The following TRIO variants were observed in gnomAD, a reference collection of about 807,000 sequenced individuals.
The protein encoded by TRIO is trio Rho guanine nucleotide exchange factor, also known as triple functional domain protein.
A neutral mutation model predicts 351.9 loss-of-function variants in TRIO; 58 were observed. The observed-to-expected ratio is 0.16, with a 90% CI of 0.13 to 0.21. The LOEUF (loss-of-function observed/expected upper bound fraction) is 0.21, where lower values mean the gene tolerates loss of function less well. TRIO is among the 10% of genes least tolerant of loss of function. TRIO has a pLI of 1.00. For missense variants in TRIO, 3,201 were observed against 4,027.8 expected, an observed-to-expected ratio of 0.79 and a Z score of 5.56; for synonymous variants, 1,758 against 1,595.7, an observed-to-expected ratio of 1.10 and a Z score of -2.42.
intron 13 of TRIO, among the ~76,000 whole-genome samples, chr5:14,360,937 A>G (rs1236740808): frequency 1.3e-5 from 2 of 152,228 alleles, no homozygotes; most frequent in Non-Finnish European, 2.9e-5. Context: ...TTAGATCCAC[A>G]TGGAGCCATG....
intron 11 of TRIO, among the ~76,000 whole-genome samples, chr5:14,341,387 C>G (rs1374298201): frequency 6.6e-6 from 1 of 152,186 alleles, no homozygotes; most frequent in Non-Finnish European, 1.5e-5. Context: ...TTTTGTGTGT[C>G]TCCTACATTT....
chr5:14,433,092 C>A (rs976364447), intron 34 of TRIO, among the ~76,000 whole-genome samples: 3 of 152,068 alleles, frequency 2.0e-5, no homozygotes, highest in Non-Finnish European at 2.9e-5. Context: ...ATCCACAATG[C>A]TGGTGCAAAC....
intron 1 of TRIO, among the ~76,000 whole-genome samples, chr5:14,211,276 A>G (rs1791875680): frequency 2.0e-5 from 3 of 152,216 alleles, no homozygotes; most frequent in Admixed American, 2.0e-4. Flanking sequence ...GATTTGATGT[A>G]AAAAGCTTAG....
In TRIO at chr5:14,147,720, G is replaced by A. The variant is rs553018497; in HGVS notation, c.157+3838G>A. Among the ~76,000 whole-genome samples the A allele has an allele frequency of 5.3e-5, 8 of 152,282 alleles. No individual in the cohort carries two copies. The East Asian group carries it at 1.5e-3, about 29-fold the overall frequency. Reference sequence around the variant, plus strand: ...TATATTTTGATATGACGGTTTCCTTGTGGAGTATTGAGAGAAGCTTTTCTT... The same window carrying A: ...TATATTTTGATATGACGGTTTCCTTATGGAGTATTGAGAGAAGCTTTTCTT... On this transcript the variant is annotated intron_variant, in intron 1 of 56. Transcript: ENST00000344204.
intron 1 of TRIO, among the ~76,000 whole-genome samples, chr5:14,193,774 A>T (rs542510261): frequency 6.6e-6 from 1 of 152,308 alleles, no homozygotes; most frequent in African/African-American, 2.4e-5. Flanking sequence ...TGACTAATTT[A>T]CGCGAAACTG....
intron 30 of TRIO, among the ~76,000 whole-genome samples, chr5:14,399,614 C>T (rs930823586): frequency 4.6e-5 from 7 of 152,212 alleles, no homozygotes; most frequent in South Asian, 4.1e-4. Flanking sequence ...TATGTGGAGA[C>T]AGCTGCCCCT....
chr5:14,364,063 G>A, intron 14 of TRIO, 136 bp downstream of exon 14: 1 of 821,112 alleles, frequency 1.2e-6, no homozygotes, highest in South Asian at 2.2e-5. Flanking sequence ...TTCTTTAAAA[G>A]AACGTTTGCA....
chr5:14,337,685 T>C (rs1741550521), intron 11 of TRIO, among the ~76,000 whole-genome samples: 1 of 152,200 alleles, frequency 6.6e-6, no homozygotes, highest in Admixed American at 6.5e-5. Context: ...CACCAATTCC[T>C]TTAAAGGAAA....
intron 34 of TRIO, chr5:14,441,144 T>C (rs1463741403): frequency 6.5e-6 from 1 of 152,888 alleles, no homozygotes; most frequent in African/African-American, 2.4e-5. Context: ...AGTGTCTGTT[T>C]AGCTGGTCGC....
intron 49 of TRIO, among the ~76,000 whole-genome samples, chr5:14,494,939 C>T (rs1208235470): frequency 6.6e-6 from 1 of 152,192 alleles, no homozygotes; most frequent in Non-Finnish European, 1.5e-5. Context: ...TTTGTAATGC[C>T]ATAGCTACCA....
chr5:14,233,316 T>TAAA (rs35925373), intron 1 of TRIO, among the ~76,000 whole-genome samples: 1,978 of 109,168 alleles, frequency 0.018, 29 homozygotes, highest in African/African-American at 0.047. Context: ...CCTCGTCTCT[T>TAAA]AAAAAAAAAA....
chr5:14,465,505 C>G, intron 36 of TRIO, 40 bp from the exon 37 acceptor site: 1 of 1,597,202 alleles, frequency 6.3e-7, no homozygotes, highest in Non-Finnish European at 8.6e-7. Context: ...CTAATGTGAG[C>G]CCTTGCCCCA....
intron 34 of TRIO, chr5:14,420,264 T>G (rs1750009855): frequency 1.9e-6 from 1 of 538,630 alleles, no homozygotes; most frequent in Non-Finnish European, 3.3e-6. Flanking sequence ...TAGTGAGATA[T>G]GACATCAGTT....
intron 18 of TRIO, among the ~76,000 whole-genome samples, chr5:14,373,819 C>T (rs982618935): frequency 6.6e-6 from 1 of 152,232 alleles, no homozygotes; most frequent in Non-Finnish European, 1.5e-5. Context: ...AAAGTGTTTA[C>T]TGTCTACCCT....
chr5:14,295,818 C>G (rs1737314069), intron 6 of TRIO, among the ~76,000 whole-genome samples: 1 of 152,190 alleles, frequency 6.6e-6, no homozygotes, highest in Non-Finnish European at 1.5e-5. Flanking sequence ...GTTGCAGCCT[C>G]TTTCTGCGAC....
At chr5:14,211,725 TG>T (rs1163133802) in intron 1 of TRIO, among the ~76,000 whole-genome samples, 4 of 151,590 alleles carry the variant, frequency 2.6e-5, no homozygotes, top group African/African-American at 9.7e-5. Flanking sequence ...AAACAGAATG[TG>T]GCAATCTTTT....
At chr5:14,325,304 A>T (rs959751747) in intron 9 of TRIO, among the ~76,000 whole-genome samples, 1 of 152,206 alleles carries the variant, frequency 6.6e-6, no homozygotes, top group African/African-American at 2.4e-5. Flanking sequence ...AAACAGGTTT[A>T]TTTGGCTCAC....
rs1421078970 is a variant in TRIO at position 14,286,080 on chromosome 5, G to A, written c.348-791G>A. Among the ~76,000 whole-genome samples the A allele has an allele frequency of 1.3e-5, 2 of 152,156 alleles. No individual in the cohort carries two copies. Among genetic ancestry groups the A allele is most frequent in the African/African-American group, 4.8e-5 (2 of 41,408 alleles). On this transcript the variant is annotated intron_variant, in intron 3 of 56. Transcript: ENST00000344204. The surrounding 1 kb of genome is among the most constrained non-coding windows in gnomAD (Gnocchi z 4.4). ...CAGTGGTTGAGATTTAATACAATTA[G>A]AAGCTGGCACTTTTTTTTTTTAAGT...
intron 29 of TRIO, 27 bp from the exon 30 acceptor site, chr5:14,398,853 A>T: frequency 1.3e-6 from 2 of 1,568,950 alleles, no homozygotes; most frequent in Non-Finnish European, 1.7e-6. Flanking sequence ...TTTTAAATTG[A>T]TTTGCCTCCC....
Sources: gnomAD v4.1 joint callset for allele counts (sites outside exome capture counted in the v4.1 genomes callset) on GRCh38, gnomAD v4.1.1 for gene constraint, Gnocchi (gnomAD v3.1) non-coding constraint, MANE v1.5 for transcripts, NCBI Gene and HGNC (gene_info 2026-07-23, HGNC 2026-07-21) for gene names.